The following XPO1 variants were observed in gnomAD, a reference collection of about 807,000 sequenced individuals.
XPO1 encodes exportin-1.
Under a neutral mutation model 133.3 loss-of-function variants are expected in XPO1, and 5 were observed. That is an observed-to-expected ratio of 0.04 (90% CI 0.02 to 0.08). The LOEUF is 0.08. XPO1 is among the 10% of genes least tolerant of loss of function. XPO1 has a pLI of 1.00. For missense variants in XPO1, 506 were observed against 1,267.5 expected, an observed-to-expected ratio of 0.40 and a Z score of 9.12; for synonymous variants, 419 against 408.2, an observed-to-expected ratio of 1.03 and a Z score of -0.32.
At chr2:61,522,295 G>A (rs920802121) in intron 4 of XPO1, among the ~76,000 whole-genome samples, 9 of 152,070 alleles carry the variant, frequency 5.9e-5, no homozygotes, top group African/African-American at 9.7e-5. Context: ...AGACTCAAGC[G>A]ATCTACTTGC....
chr2:61,517,744 T>C (rs558791000), intron 4 of XPO1, among the ~76,000 whole-genome samples: 7 of 152,316 alleles, frequency 4.6e-5, no homozygotes, highest in African/African-American at 1.7e-4. Context: ...AAAACCAGCC[T>C]GGGCTTCACA....
chr2:61,530,989 A>G (rs1199822361), intron 2 of XPO1, among the ~76,000 whole-genome samples: 1 of 152,206 alleles, frequency 6.6e-6, no homozygotes, highest in African/African-American at 2.4e-5. Context: ...AATCTCTTGT[A>G]GGACAGGTCA....
intron 18 of XPO1, 105 bp from the exon 19 acceptor site, chr2:61,488,376 G>T: frequency 2.3e-6 from 3 of 1,300,410 alleles, no homozygotes; most frequent in Non-Finnish European, 3.2e-6. Flanking sequence ...AAAGTTTAAA[G>T]CCAAAAGTTC....
chr2:61,497,910 A>G (rs1697323462), intron 9 of XPO1, among the ~76,000 whole-genome samples: 1 of 152,246 alleles, frequency 6.6e-6, no homozygotes, highest in Non-Finnish European at 1.5e-5. Context: ...TACATAATTA[A>G]GCAATAAACT....
Position 61,522,672 on chromosome 2 carries a change from T to C in XPO1, c.240A>G (p.Leu80=), listed in dbSNP as rs1352878317. ...TTTTTATCACATTTTCCAAAATTTG[T>C]AGTCCATAGTACTGAAAATTGGAGA... The part of the protein sequence containing the change: ...SQNMNTKYYG[L]QILENVIKTR... Residue 80 remains leucine, a synonymous_variant, in exon 4 of 25, where the codon CTA becomes CTG. Coordinates refer to ENST00000401558, the MANE Select transcript of XPO1 (RefSeq NM_003400.4). The C allele has an allele frequency of 6.2e-7, 1 of 1,613,212 alleles. No homozygotes were observed. The highest frequency in any genetic ancestry group is 2.2e-5 in the East Asian group (1 of 44,842).
chr2:61,524,577 C>CATA (rs1255623747), intron 3 of XPO1, among the ~76,000 whole-genome samples: 1 of 152,192 alleles, frequency 6.6e-6, no homozygotes, highest in Admixed American at 6.6e-5. Flanking sequence ...CTCTCCCAGA[C>CATA]ATAAAGACTT....
intron 19 of XPO1, among the ~76,000 whole-genome samples, chr2:61,487,531 TA>T (rs943815957): frequency 9.4e-4 from 135 of 143,470 alleles, no homozygotes; most frequent in African/African-American, 2.0e-3. Context: ...AGCACACTTG[TA>T]AAAAAAAAAA....
At chr2:61,527,125 T>C (rs1326548251) in intron 2 of XPO1, among the ~76,000 whole-genome samples, 1 of 152,150 alleles carries the variant, frequency 6.6e-6, no homozygotes, top group Non-Finnish European at 1.5e-5. Context: ...CAAAGATCTA[T>C]TCTGAAGCAA....
At chr2:61,491,501 A>G (rs1399590475) in intron 16 of XPO1, among the ~76,000 whole-genome samples, 1 of 136,488 alleles carries the variant, frequency 7.3e-6, no homozygotes, top group African/African-American at 2.8e-5. Context: ...CACACACCCC[A>G]AAACAAAACA....
At chr2:61,517,936 G>A (rs1014438525) in intron 4 of XPO1, among the ~76,000 whole-genome samples, 1 of 152,064 alleles carries the variant, frequency 6.6e-6, no homozygotes, top group Non-Finnish European at 1.5e-5. Context: ...AGACCAGCCT[G>A]GTCAACATGG....
chr2:61,522,497 C>T, intron 4 of XPO1, 114 bp downstream of exon 4: 2 of 887,530 alleles, frequency 2.3e-6, no homozygotes, highest in Non-Finnish European at 3.5e-6. Context: ...AAGCAATAAG[C>T]TCCATTAGAG....
rs2104387333 is a variant in XPO1, at chr2:61,488,667, C to A, written c.2127G>T (p.Gln709His). 1 of 1,613,994 alleles carries A rather than the reference C, an allele frequency of 6.2e-7. No individual in the cohort carries two copies. Among genetic ancestry groups the A allele is most frequent in the Non-Finnish European group, 8.5e-7 (1 of 1,179,920 alleles). Residue 709 changes from glutamine (Q) to histidine (H), a missense_variant, in exon 18 of 25, where the codon CAG becomes CAT. Gln to His is a conservative substitution (Grantham distance 24, BLOSUM62 0). Around this residue, in one of 6 missense-constraint regions of XPO1, gnomAD observed 60 missense variants for 211.0 expected, o/e 0.28. Coordinates refer to ENST00000401558, the MANE Select transcript of XPO1 (RefSeq NM_003400.4). ...GCATATCTAAATAAATTCTTCCAAG[C>A]TGAATTACAAAGGGGTGTCCAACAG... ...CKAVGHPFVIQLGRIYLDMLN... is the reference protein window; with the variant it reads ...CKAVGHPFVIHLGRIYLDMLN...
chr2:61,533,048 G>C (rs1182382189), intron 2 of XPO1, among the ~76,000 whole-genome samples: 1 of 151,952 alleles, frequency 6.6e-6, no homozygotes, highest in African/African-American at 2.4e-5. Flanking sequence ...GCATGGTGGC[G>C]TGTGCCTGTA....
chr2:61,509,575 G>A (rs1159893921), intron 4 of XPO1, among the ~76,000 whole-genome samples: 3 of 151,764 alleles, frequency 2.0e-5, no homozygotes, highest in South Asian at 2.1e-4. Flanking sequence ...GCAGTGAGTC[G>A]AGATCATGCC....
At chr2:61,513,425 G>A (rs562080187) in intron 4 of XPO1, among the ~76,000 whole-genome samples, 103 of 148,996 alleles carry the variant, frequency 6.9e-4, no homozygotes, top group Non-Finnish European at 1.2e-3. Context: ...GAGGGCAGTG[G>A]TGTGATCTAG....
At chr2:61,493,322 A>C (rs1697083105) in intron 12 of XPO1, 1 of 294,372 alleles carries the variant, frequency 3.4e-6, no homozygotes, top group Non-Finnish European at 6.2e-6. Context: ...AGAAAAAACT[A>C]TGTAAATATA....
At chr2:61,498,245 CCACCACGCCT>C (rs1472041295) in intron 9 of XPO1, among the ~76,000 whole-genome samples, 1 of 152,196 alleles carries the variant, frequency 6.6e-6, no homozygotes, top group Non-Finnish European at 1.5e-5. Context: ...CAGGCATACA[CCACCACGCCT>C]GGCTGTTTTG....
intron 7 of XPO1, 137 bp downstream of exon 7, chr2:61,499,576 T>C (rs973249599): frequency 2.5e-6 from 2 of 794,250 alleles, no homozygotes; most frequent in East Asian, 2.9e-5. Context: ...TATTTCTTAA[T>C]CTGCAGTTGA....
intron 4 of XPO1, among the ~76,000 whole-genome samples, chr2:61,521,828 T>C (rs1389144045): frequency 6.6e-6 from 1 of 152,092 alleles, no homozygotes; most frequent in Non-Finnish European, 1.5e-5. Context: ...CAATGATGGC[T>C]CACTGCAGTC....
Sources: gnomAD v4.1 joint callset for allele counts (sites outside exome capture counted in the v4.1 genomes callset) on GRCh38, gnomAD v4.1.1 for gene constraint, gnomAD v4.1.1 regional missense constraint, MANE v1.5 for transcripts, NCBI Gene and HGNC (gene_info 2026-07-23, HGNC 2026-07-21) for gene names.